The following TNFRSF10D variants were observed in gnomAD, a reference collection of about 807,000 sequenced individuals.
The protein encoded by TNFRSF10D is tumor necrosis factor receptor superfamily member 10D.
TNFRSF10D carries 28 observed loss-of-function variants against 42.1 expected under a neutral mutation model. The observed-to-expected ratio is 0.66, with a 90% CI of 0.49 to 0.91. TNFRSF10D has a LOEUF of 0.91. Ranked by LOEUF, TNFRSF10D falls within the 40% of genes least tolerant of loss-of-function variation. The probability of loss-of-function intolerance (pLI) is 0.00; values close to 1 mark genes in which losing one functional copy is unlikely to be tolerated. For synonymous variants in TNFRSF10D, 186 were observed against 189.4 expected (o/e 0.98, Z 0.15); for missense variants, 503 against 486.1 (o/e 1.03, Z -0.33).
intron 7 of TNFRSF10D, among the ~76,000 whole-genome samples, chr8:23,141,170 G>C (rs1438220107): frequency 6.6e-6 from 1 of 152,150 alleles, no homozygotes; most frequent in Non-Finnish European, 1.5e-5. Context: ...AAATTGTCAA[G>C]TGGCATCTAA....
chr8:23,138,304 C>G, intron 7 of TNFRSF10D, 44 bp from the exon 8 acceptor site: 1 of 1,610,564 alleles, frequency 6.2e-7, no homozygotes, highest in Non-Finnish European at 8.5e-7. Context: ...GTCAGGAGTC[C>G]TGCAGTCTAG....
At chr8:23,147,907 A>G (rs1800146541) in intron 3 of TNFRSF10D, among the ~76,000 whole-genome samples, 1 of 150,482 alleles carries the variant, frequency 6.6e-6, no homozygotes, top group Non-Finnish European at 1.5e-5. Context: ...CTAAAAATAC[A>G]AAAAAAAATT....
Position 23,136,027 on chromosome 8 carries a change from G to C in TNFRSF10D, c.*1843C>G, listed in dbSNP as rs1328020556. The C allele has an allele frequency of 2.4e-6, 1 of 413,528 alleles. No individual in the cohort carries two copies. 25.6% of individuals were successfully genotyped at this position (413,528 alleles called of 1,614,324 possible). A position where few individuals can be genotyped will look rare whatever the true frequency, so the allele number is the denominator to read the frequency against. ...AGGCCATCCCCTCCTAAAACTCCATGGACACAACAATCTGAATGTGCGAAC... is the reference window on the plus strand; with the variant it reads ...AGGCCATCCCCTCCTAAAACTCCATCGACACAACAATCTGAATGTGCGAAC... On this transcript the variant is annotated 3_prime_UTR_variant, in exon 9 of 9. Transcript: ENST00000312584.
chr8:23,137,572 T>C lies in TNFRSF10D; in HGVS notation c.*298A>G, dbSNP rs991351165. On this transcript the variant is annotated 3_prime_UTR_variant, in exon 9 of 9. Transcript: ENST00000312584. ...CACCTGCCTCAGCCTATCAAAGTGC[T>C]GGGATTACAGGCATGAGCCACCGCA... The C allele has an allele frequency of 1.8e-4, 41 of 226,002 alleles. No homozygotes were observed. The highest frequency in any genetic ancestry group is 1.8e-3 in the Middle Eastern group (1 of 560). The allele number at this position is 226,002 out of a possible 1,614,324, so 14.0% of individuals were successfully genotyped here.
Position 23,140,768 on chromosome 8 carries a change from G to A in TNFRSF10D, c.955-2508C>T, listed in dbSNP as rs572224602. On this transcript the variant is annotated intron_variant, in intron 7 of 8. Transcript: ENST00000312584. Reference sequence around the variant, plus strand: ...CCCTGCACACGCTCTCTTGCCTGTCGCCATGTAAGATGTGCCTTTGCTCAT... The same window carrying A: ...CCCTGCACACGCTCTCTTGCCTGTCACCATGTAAGATGTGCCTTTGCTCAT... Among the ~76,000 whole-genome samples, 27 of 152,260 alleles carry A rather than the reference G, an allele frequency of 1.8e-4. 1 individual carries two copies. The highest frequency in any genetic ancestry group is 4.1e-4 in the South Asian group (2 of 4,822).
intron 2 of TNFRSF10D, among the ~76,000 whole-genome samples, chr8:23,151,028 A>C (rs116008843): frequency 6.6e-6 from 1 of 152,224 alleles, no homozygotes; most frequent in Admixed American, 6.5e-5. Context: ...GTCCCAAAAC[A>C]GGATGGGAAT....
intron 3 of TNFRSF10D, 53 bp from the exon 4 acceptor site, chr8:23,147,125 A>G: frequency 7.0e-7 from 1 of 1,431,970 alleles, no homozygotes; most frequent in African/African-American, 1.4e-5. Context: ...ATGTCTGTCC[A>G]CCCTTCCTCA....
rs1330256414 is a variant in TNFRSF10D, at chr8:23,135,607, T to C, written c.*2263A>G. 4.7e-3 allele frequency: 928 copies of C among 195,982 alleles called. No homozygotes were observed. The highest frequency in any genetic ancestry group is 0.017 in the South Asian group (195 of 11,396). The allele number at this position is 195,982 out of a possible 1,614,324, so 12.1% of individuals were successfully genotyped here. A position where few individuals can be genotyped will look rare whatever the true frequency, so the allele number is the denominator to read the frequency against. On this transcript the variant is annotated 3_prime_UTR_variant, in exon 9 of 9. Transcript: ENST00000312584. ...CACACCTTTTTAATATGAGGTTTCA[T>C]ATTTATTTTGGTCATAAACATATGA... is the stretch of plus-strand genomic sequence containing the variant.
Position 23,136,405 on chromosome 8 carries a change from A to G in TNFRSF10D, c.*1465T>C, listed in dbSNP as rs1348090688. 2 of 180,910 alleles carry G rather than the reference A, an allele frequency of 1.1e-5. No homozygotes were observed. Among genetic ancestry groups the G allele is most frequent in the Non-Finnish European group, 1.2e-5 (1 of 86,466 alleles). The allele number at this position is 180,910 out of a possible 1,614,324, so 11.2% of individuals were successfully genotyped here. ...GCAGCTCAGGAATCTCTGCCCTAAA[A>G]GGCATCCCAGGGACTCAGTTCACAG... is the stretch of plus-strand genomic sequence containing the variant. On this transcript the variant is annotated 3_prime_UTR_variant, in exon 9 of 9. Transcript: ENST00000312584.
chr8:23,146,873 T>TG (rs921559714), intron 4 of TNFRSF10D, 88 bp downstream of exon 4: 6 of 1,157,464 alleles, frequency 5.2e-6, no homozygotes, highest in Non-Finnish European at 7.7e-6. Flanking sequence ...GGAGGATCCA[T>TG]GGGGTCAGCG....
At chr8:23,157,023 C>T (rs189630506) in intron 1 of TNFRSF10D, among the ~76,000 whole-genome samples, 713 of 151,670 alleles carry the variant, frequency 4.7e-3, no homozygotes, top group African/African-American at 0.015. Context: ...ACAGCTTTAA[C>T]GAGACACAAA....
rs543911648 is a variant in TNFRSF10D, at chr8:23,138,207, A to G, written c.1008T>C (p.Asn336=). The G allele has an allele frequency of 1.9e-6, 3 of 1,614,200 alleles. No homozygotes were observed. The highest frequency in any genetic ancestry group is 4.5e-5 in the East Asian group (2 of 44,882). ...ACTTACTGTCAGCGGAGTCAGCGTC[A>G]TTCACTGGAACCAGCAGCCTCCTCC... ...CQRRRLLVPV[N]DADSADISTL... Residue 336 remains asparagine, a synonymous_variant, in exon 8 of 9, where the codon AAT becomes AAC. Transcript: ENST00000312584.
intron 7 of TNFRSF10D, among the ~76,000 whole-genome samples, chr8:23,140,202 T>C (rs914671911): frequency 2.0e-4 from 30 of 152,106 alleles, no homozygotes; most frequent in African/African-American, 6.8e-4. Flanking sequence ...GGCAGGAGAA[T>C]GGCGTGAACC....
At chr8:23,141,895 G>A (rs183021031) in intron 7 of TNFRSF10D, among the ~76,000 whole-genome samples, 538 of 151,386 alleles carry the variant, frequency 3.6e-3, no homozygotes, top group African/African-American at 0.011. Flanking sequence ...AGCCAGTATG[G>A]AAAGGAGTTT....
chr8:23,153,673 C>T (rs1215050303), intron 2 of TNFRSF10D, among the ~76,000 whole-genome samples: 836 of 151,808 alleles, frequency 5.5e-3, no homozygotes, highest in African/African-American at 0.017. Context: ...CAATGAAATA[C>T]CACTTCACAC....
intron 7 of TNFRSF10D, among the ~76,000 whole-genome samples, chr8:23,138,884 C>T (rs904232505): frequency 3.3e-5 from 5 of 152,096 alleles, no homozygotes; most frequent in African/African-American, 1.2e-4. Context: ...AAAGTGAATG[C>T]CATTGCTAAG....
Position 23,163,797 on chromosome 8 carries a change from CCG to C in TNFRSF10D, c.137_138del (p.Ala46GlyfsTer8). ...CGGCGGAGACTCACCGGCAGCAGAA[CCG>C]CGACGATGAAGACGACGAACTTAAG... ...KILKFVVFIV[A>X]VLLPVRVDSA... On this transcript the variant is annotated frameshift_variant, in exon 1 of 9. Coordinates refer to ENST00000312584, the MANE Select transcript of TNFRSF10D (RefSeq NM_003840.5). LOFTEE classifies it high-confidence loss of function. 1 of 1,609,704 alleles carries C rather than the reference CCG, an allele frequency of 6.2e-7. No individual in the cohort carries two copies. The highest frequency in any genetic ancestry group is 8.5e-7 in the Non-Finnish European group (1 of 1,178,738).
At chr8:23,143,786 G>T (rs1800066870) in intron 7 of TNFRSF10D, among the ~76,000 whole-genome samples, 2 of 152,126 alleles carry the variant, frequency 1.3e-5, no homozygotes, top group Admixed American at 1.3e-4. Context: ...TTCCACTGGT[G>T]TATGCTACAA....
At chr8:23,149,723 G>A (rs190913221) in intron 2 of TNFRSF10D, among the ~76,000 whole-genome samples, 843 of 151,910 alleles carry the variant, frequency 5.5e-3, no homozygotes, top group African/African-American at 0.017. Flanking sequence ...TAGGGAGGCT[G>A]CTCAGGAGCA....
Sources: allele counts gnomAD v4.1 joint callset (sites outside exome capture counted in the v4.1 genomes callset), GRCh38; gene constraint gnomAD v4.1.1; transcripts MANE v1.5; gene names NCBI Gene and HGNC (gene_info 2026-07-23, HGNC 2026-07-21).